Variants in PIMREG observed in about 807,000 individuals in gnomAD.
PIMREG encodes the protein PICALM interacting mitotic regulator, also known as protein PIMREG.
PIMREG carries 19 observed loss-of-function variants against 24.3 expected under a neutral mutation model. That is an observed-to-expected ratio of 0.78 (90% CI 0.54 to 1.15). The LOEUF is 1.15. PIMREG is among the 50% of genes most tolerant of loss of function. The pLI, the probability that PIMREG is intolerant of heterozygous loss-of-function variation, is 0.00. For synonymous variants in PIMREG, 112 were observed against 124.1 expected, an observed-to-expected ratio of 0.90 and a Z score of 0.65; for missense variants, 283 against 306.8, an observed-to-expected ratio of 0.92 and a Z score of 0.58.
chr17:6,445,460 A>G, intron 2 of PIMREG, 56 bp downstream of exon 2: 2 of 1,528,362 alleles, frequency 1.3e-6, no homozygotes, highest in Non-Finnish European at 1.8e-6. Context: ...GGTGCCAGGC[A>G]GTTCCTGCCC....
rs776808945 is a variant in PIMREG, at chr17:6,447,747, C to T, written c.579C>T (p.Leu193=). 6.2e-7 allele frequency: 1 copy of T among 1,602,530 alleles called. No homozygotes were observed. The highest frequency in any genetic ancestry group is 8.5e-7 in the Non-Finnish European group (1 of 1,171,572). The change falls in exon 3 of 6, where the codon CTC becomes CTT. Residue 193 remains leucine (L), a synonymous_variant. Transcript: ENST00000572447. ...FRSPYSSTEP[L]CSPSESDSDL... is the part of the protein sequence containing the mutation. ...GCCCCTACTCCTCAACAGAGCCCCT[C>T]TGCTCTCCCAGGCAAGTGGGATAGT...
intron 3 of PIMREG, 57 bp downstream of exon 3, chr17:6,447,815 C>T (rs61457133): frequency 0.037 from 56,374 of 1,515,510 alleles, 2,938 homozygotes; most frequent in African/African-American, 0.25. Flanking sequence ...GGGCACAATC[C>T]CTGCTGTCTG....
In PIMREG at chr17:6,447,739, G is replaced by C. The variant is rs775632055; in HGVS notation, c.571G>C (p.Glu191Gln). The C allele has an allele frequency of 1.9e-6, 3 of 1,607,180 alleles. No individual in the cohort carries two copies. In the Admixed American group the frequency reaches 5.0e-5, roughly 27 times the overall value. Residue 191 changes from glutamate (E) to glutamine (Q), a missense_variant, in exon 3 of 6, where the codon GAG becomes CAG. Coordinates refer to ENST00000572447, the MANE Select transcript of PIMREG (RefSeq NM_019013.3). ...AAFRSPYSST[E>Q]PLCSPSESDS... Reference sequence around the variant, plus strand: ...CTTCCGGAGCCCCTACTCCTCAACAGAGCCCCTCTGCTCTCCCAGGCAAGT... The same window carrying C: ...CTTCCGGAGCCCCTACTCCTCAACACAGCCCCTCTGCTCTCCCAGGCAAGT...
At position 6,444,738 on chromosome 17, in the gene PIMREG, G is replaced by A. The variant is rs932034454; in HGVS notation, c.-36+250G>A. Among the ~76,000 whole-genome samples, 1 of 152,132 alleles carries A rather than the reference G, an allele frequency of 6.6e-6. No homozygotes were observed. The highest frequency in any genetic ancestry group is 2.4e-5 in the African/African-American group (1 of 41,446). ...GTGCGCGTTTGGTCTGGGCGAGCTG[G>A]TGAAGAAGATGGTGATCGTGTCCTG... On this transcript the variant is annotated intron_variant, in intron 1 of 5. Transcript: ENST00000572447. This position sits in a 1 kb window ranked among gnomAD's most constrained non-coding sequence, Gnocchi z 4.3.
At chr17:6,449,083 T>A (rs1223975854) in intron 3 of PIMREG, among the ~76,000 whole-genome samples, 1 of 152,166 alleles carries the variant, frequency 6.6e-6, no homozygotes, top group Non-Finnish European at 1.5e-5. Flanking sequence ...TGAGGCTCAG[T>A]TTCCAAGTGG....
At chr17:6,445,032 T>C (rs932086986) in intron 1 of PIMREG, 44 bp from the exon 2 acceptor site, 12 of 1,406,970 alleles carry the variant, frequency 8.5e-6, no homozygotes, top group African/African-American at 1.4e-5. Context: ...TGGGAATGGG[T>C]ATGGGGAATG....
intron 5 of PIMREG, 136 bp downstream of exon 5, chr17:6,450,208 C>A: frequency 8.7e-7 from 1 of 1,154,836 alleles, no homozygotes; most frequent in South Asian, 1.4e-5. Context: ...GAAGCCAGAG[C>A]TGCTAACCTC....
chr17:6,445,543 C>T, intron 2 of PIMREG, 139 bp downstream of exon 2: 1 of 840,918 alleles, frequency 1.2e-6, no homozygotes, highest in Non-Finnish European at 1.8e-6. Flanking sequence ...TCCCCACCAC[C>T]CCAGATAGTT....
chr17:6,447,646 C>T lies in PIMREG; in HGVS notation c.478C>T (p.His160Tyr), dbSNP rs1235540303. 2 of 1,613,382 alleles carry T rather than the reference C, an allele frequency of 1.2e-6. No homozygotes were observed. Among genetic ancestry groups the T allele is most frequent in the Admixed American group, 1.7e-5 (1 of 59,986 alleles). ...HSAADPWEKEHHRLSVRMGSH... is the reference protein window; with the variant it reads ...HSAADPWEKEYHRLSVRMGSH... ...AGCCGCAGACCCCTGGGAGAAGGAG[C>T]ATCACCGCCTCTCTGTCCGGATGGG... is the stretch of plus-strand genomic sequence containing the variant. The change falls in exon 3 of 6, where the codon CAT becomes TAT. Residue 160 changes from histidine to tyrosine, a missense_variant. His to Tyr is a moderately conservative substitution (Grantham distance 83, BLOSUM62 2). Coordinates refer to ENST00000572447, the MANE Select transcript of PIMREG (RefSeq NM_019013.3).
intron 5 of PIMREG, 145 bp downstream of exon 5, chr17:6,450,217 T>G (rs1913769746): frequency 8.9e-7 from 1 of 1,121,648 alleles, no homozygotes; most frequent in African/African-American, 1.5e-5. Flanking sequence ...GCTGCTAACC[T>G]CACTGACCCC....
chr17:6,449,535 C>G (rs1913727362), intron 4 of PIMREG, 128 bp downstream of exon 4: 1 of 1,022,294 alleles, frequency 9.8e-7, no homozygotes, highest in Non-Finnish European at 1.4e-6. Context: ...CTCTCTGGGC[C>G]TCAGTCTCCC....
chr17:6,449,543 C>A, intron 4 of PIMREG, 136 bp downstream of exon 4: 1 of 1,002,214 alleles, frequency 1.0e-6, no homozygotes, highest in South Asian at 1.8e-5. Flanking sequence ...GCCTCAGTCT[C>A]CCTCATCTCA....
At position 6,446,081 on chromosome 17, in the gene PIMREG, G is replaced by A. The variant is rs1453702318; in HGVS notation, c.294+677G>A. On this transcript the variant is annotated intron_variant, in intron 2 of 5. Coordinates refer to ENST00000572447, the MANE Select transcript of PIMREG (RefSeq NM_019013.3). ...GAGATGCTCCTGATGGAGACTAAGG[G>A]TTTGGACTTGCAGGGGATAAACTTC... The A allele has an allele frequency of 7.5e-6, 3 of 401,262 alleles. No homozygotes were observed. The East Asian group carries it at 1.1e-4, about 14-fold the overall frequency. 24.9% of individuals were successfully genotyped at this position (401,262 alleles called of 1,614,324 possible).
chr17:6,449,632 G>A (rs1913733518), intron 4 of PIMREG: 2 of 1,296,096 alleles, frequency 1.5e-6, no homozygotes, highest in Non-Finnish European at 2.0e-6. Flanking sequence ...TCTGGGCCTT[G>A]GGACCCCATG....
chr17:6,447,233 A>T (rs1351149682), intron 2 of PIMREG: 19 of 455,066 alleles, frequency 4.2e-5, no homozygotes, highest in South Asian at 3.7e-4. Flanking sequence ...TGCCTCAGCC[A>T]CCCAAGTAGC....
rs1913512331 is a variant in PIMREG, at chr17:6,444,939, G to A, written c.-35-137G>A. The A allele has an allele frequency of 5.2e-6, 3 of 580,886 alleles. No individual in the cohort carries two copies. The highest frequency in any genetic ancestry group is 8.6e-6 in the Non-Finnish European group (3 of 350,376). 36.0% of individuals were successfully genotyped at this position (580,886 alleles called of 1,614,324 possible). ...TCTTCCAGGAAGCATCCTCCTTCCT[G>A]CACCCACACTTACCAACTCGCCCGC... On this transcript the variant is annotated intron_variant, in intron 1 of 5. Transcript: ENST00000572447. This position sits in a 1 kb window ranked among gnomAD's most constrained non-coding sequence, Gnocchi z 4.3.
At position 6,450,748 on chromosome 17, in the gene PIMREG, G is replaced by A. The variant is rs558373827; in HGVS notation, c.*401G>A. The A allele has an allele frequency of 1.7e-5, 5 of 286,550 alleles. No individual in the cohort carries two copies. The highest frequency in any genetic ancestry group is 1.3e-4 in the South Asian group (1 of 7,878). The allele number at this position is 286,550 out of a possible 1,614,324, so 17.8% of individuals were successfully genotyped here. Reference sequence around the variant, plus strand: ...GTGCCTGGTTTTTGGGGAGTCATCCGCAGAGTCACTCACCCACTGTGTTTC... The same window carrying A: ...GTGCCTGGTTTTTGGGGAGTCATCCACAGAGTCACTCACCCACTGTGTTTC... On this transcript the variant is annotated 3_prime_UTR_variant, in exon 6 of 6. Coordinates refer to ENST00000572447, the MANE Select transcript of PIMREG (RefSeq NM_019013.3).
chr17:6,446,023 T>C (rs1403633063), intron 2 of PIMREG: 9 of 401,002 alleles, frequency 2.2e-5, no homozygotes, highest in Non-Finnish European at 4.0e-5. Flanking sequence ...GAATTTGCCC[T>C]TTAGCTACAT....
intron 5 of PIMREG, 23 bp from the exon 6 acceptor site, chr17:6,450,339 A>G: frequency 6.5e-7 from 1 of 1,544,116 alleles, no homozygotes; most frequent in Non-Finnish European, 8.7e-7. Flanking sequence ...GAGCACAGTG[A>G]AAAAGGCAGC....
Sources: gnomAD v4.1 joint callset for allele counts (sites outside exome capture counted in the v4.1 genomes callset) on GRCh38, gnomAD v4.1.1 for gene constraint, Gnocchi (gnomAD v3.1) non-coding constraint, MANE v1.5 for transcripts, NCBI Gene and HGNC (gene_info 2026-07-23, HGNC 2026-07-21) for gene names.